Variants in DCC observed in about 807,000 individuals in gnomAD.
DCC encodes the protein DCC netrin 1 receptor, also known as netrin receptor DCC.
DCC carries 58 observed loss-of-function variants against 172.5 expected under a neutral mutation model. The ratio of observed to expected loss-of-function variants is 0.34; its 90% CI spans 0.27 to 0.42. The LOEUF (loss-of-function observed/expected upper bound fraction) is 0.42, where lower values mean the gene tolerates loss of function less well. Ranked by LOEUF, DCC falls within the 10% of genes least tolerant of loss-of-function variation. DCC has a pLI of 1.00. For missense variants in DCC, 1,740 were observed against 1,791.0 expected (o/e 0.97, Z 0.51); for synonymous variants, 709 against 644.5 (o/e 1.10, Z -1.52).
intron 1 of DCC, among the ~76,000 whole-genome samples, chr18:52,700,864 G>T (rs1466511808): frequency 6.6e-6 from 1 of 152,160 alleles, no homozygotes; most frequent in Non-Finnish European, 1.5e-5. Context: ...TTAAAGTAAA[G>T]GTATTATTGC....
intron 15 of DCC, among the ~76,000 whole-genome samples, chr18:53,360,098 T>C (rs2057928914): frequency 6.6e-6 from 1 of 152,088 alleles, no homozygotes; most frequent in African/African-American, 2.4e-5. Flanking sequence ...GAAATTAACC[T>C]TTAAAAGTGG....
chr18:52,922,964 CTG>C (rs1242897514), intron 3 of DCC, among the ~76,000 whole-genome samples: 3 of 152,244 alleles, frequency 2.0e-5, no homozygotes, highest in African/African-American at 7.2e-5. Context: ...CGCATAAAGA[CTG>C]TTTCAGTTAT....
At chr18:52,559,845 A>G (rs754444169) in intron 1 of DCC, among the ~76,000 whole-genome samples, 2 of 152,186 alleles carry the variant, frequency 1.3e-5, no homozygotes, top group Non-Finnish European at 2.9e-5. Flanking sequence ...AAAAGAGCTT[A>G]TTATTTATGA....
intron 12 of DCC, among the ~76,000 whole-genome samples, chr18:53,295,159 A>G (rs2057051708): frequency 6.6e-6 from 1 of 152,150 alleles, no homozygotes; most frequent in Non-Finnish European, 1.5e-5. Context: ...GAAATGTATC[A>G]TACTGATACA....
intron 1 of DCC, among the ~76,000 whole-genome samples, chr18:52,649,101 C>T (rs1386823505): frequency 2.0e-5 from 3 of 152,196 alleles, no homozygotes; most frequent in East Asian, 1.9e-4. Context: ...TGGCCGGGCG[C>T]GGTGGCTCAC....
intron 12 of DCC, among the ~76,000 whole-genome samples, chr18:53,220,719 T>C (rs2055918591): frequency 6.6e-6 from 1 of 152,186 alleles, no homozygotes; most frequent in African/African-American, 2.4e-5. Flanking sequence ...CTGAGCATAG[T>C]ATTTGCCCTA....
intron 19 of DCC, 61 bp from the exon 20 acceptor site, chr18:53,410,391 T>G: frequency 9.8e-7 from 1 of 1,023,634 alleles, no homozygotes; most frequent in Non-Finnish European, 1.6e-6. Context: ...ACCTGGGTGT[T>G]TGGAAGCAGA....
intron 8 of DCC, among the ~76,000 whole-genome samples, chr18:53,172,921 T>A (rs1384555874): frequency 6.6e-6 from 1 of 152,154 alleles, no homozygotes; most frequent in Non-Finnish European, 1.5e-5. Context: ...GAATAAATCA[T>A]GTTGCTTTTC....
At chr18:53,336,365 G>A (rs912072268) in intron 14 of DCC, among the ~76,000 whole-genome samples, 2 of 152,126 alleles carry the variant, frequency 1.3e-5, no homozygotes, top group African/African-American at 4.8e-5. Flanking sequence ...AATCACTCAG[G>A]TAGCATAAAA....
chr18:53,047,320 ATATAATTT>A (rs2042261214), intron 5 of DCC, among the ~76,000 whole-genome samples: 2 of 78,660 alleles, frequency 2.5e-5, no homozygotes, highest in African/African-American at 1.0e-4. Flanking sequence ...TTTTATATAT[ATATAATTT>A]TATATATATA....
At chr18:52,538,491 C>G (rs771972343) in intron 1 of DCC, among the ~76,000 whole-genome samples, 3 of 152,144 alleles carry the variant, frequency 2.0e-5, no homozygotes, top group Non-Finnish European at 4.4e-5. Context: ...TTATTTCTTT[C>G]TTTTCTAGTC....
chr18:53,181,684 G>C (rs1420429195), intron 9 of DCC, among the ~76,000 whole-genome samples: 1 of 152,076 alleles, frequency 6.6e-6, no homozygotes, highest in Non-Finnish European at 1.5e-5. Flanking sequence ...TCCTAACACT[G>C]TTCCAGGCTG....
In DCC at chr18:52,347,120, A is replaced by G. The variant is rs17816148; in HGVS notation, c.91+6242A>G. On this transcript the variant is annotated intron_variant, in intron 1 of 28. Coordinates refer to ENST00000442544, the MANE Select transcript of DCC (RefSeq NM_005215.4). Reference sequence around the variant, plus strand: ...TGAATCTTTAGGATGTTATCTGATGAAAATACCAACTGGTTAGTGAATTGT... The same window carrying G: ...TGAATCTTTAGGATGTTATCTGATGGAAATACCAACTGGTTAGTGAATTGT... Among the ~76,000 whole-genome samples, 1,129 of 152,310 alleles carry G rather than the reference A, an allele frequency of 7.4e-3. 59 individuals are homozygous for G. Among genetic ancestry groups the G allele is most frequent in the Admixed American group, 0.065 (998 of 15,290 alleles).
At chr18:53,234,042 G>A (rs2056162400) in intron 12 of DCC, among the ~76,000 whole-genome samples, 1 of 152,120 alleles carries the variant, frequency 6.6e-6, no homozygotes, top group East Asian at 1.9e-4. Flanking sequence ...CCTGAGGTTG[G>A]GAGTTCGAGA....
chr18:53,481,239 A>G (rs1032338313), intron 25 of DCC, among the ~76,000 whole-genome samples: 22 of 152,224 alleles, frequency 1.4e-4, no homozygotes, highest in African/African-American at 5.3e-4. Flanking sequence ...TGTGAACTCC[A>G]TGAAGTGGGA....
At chr18:52,659,973 T>C (rs1396003737) in intron 1 of DCC, among the ~76,000 whole-genome samples, 2 of 152,184 alleles carry the variant, frequency 1.3e-5, no homozygotes, top group African/African-American at 4.8e-5. Context: ...GATTAAGTGA[T>C]TTACCTGAAT....
intron 23 of DCC, 43 bp from the exon 24 acceptor site, chr18:53,459,189 T>C: frequency 6.9e-7 from 1 of 1,447,762 alleles, no homozygotes; most frequent in Non-Finnish European, 9.7e-7. Flanking sequence ...GAAGTGCCAT[T>C]GAATAGAGGT....
chr18:52,684,335 T>A (rs1438546705), intron 1 of DCC, among the ~76,000 whole-genome samples: 2 of 151,940 alleles, frequency 1.3e-5, no homozygotes, highest in South Asian at 4.1e-4. Flanking sequence ...ACTGAATTTT[T>A]CCCACAATTA....
In DCC at chr18:52,739,357, T is replaced by C. The variant is rs562278125; in HGVS notation, c.92-12697T>C. Among the ~76,000 whole-genome samples, 12 of 152,314 alleles carry C rather than the reference T, an allele frequency of 7.9e-5. No individual in the cohort carries two copies. The East Asian group carries it at 2.3e-3, about 29-fold the overall frequency. On this transcript the variant is annotated intron_variant, in intron 1 of 28. Transcript: ENST00000442544. ...ATTATTCGTTTTTGTCTATCTATGT[T>C]TGGTTATTCAACAGGTATTTGTTAA...
Sources: gnomAD v4.1 joint callset for allele counts (sites outside exome capture counted in the v4.1 genomes callset) on GRCh38, gnomAD v4.1.1 for gene constraint, MANE v1.5 for transcripts, NCBI Gene and HGNC (gene_info 2026-07-23, HGNC 2026-07-21) for gene names.